Variants in ELAPOR1 observed in about 807,000 individuals in gnomAD.
The protein encoded by ELAPOR1 is endosome-lysosome associated apoptosis and autophagy regulator 1.
Under a neutral mutation model 119.7 loss-of-function variants are expected in ELAPOR1, and 77 were observed. The observed-to-expected ratio is 0.64, with a 90% CI of 0.54 to 0.78. The LOEUF (loss-of-function observed/expected upper bound fraction) is 0.78, where lower values mean the gene tolerates loss of function less well. Ranked by LOEUF, ELAPOR1 falls within the 30% of genes least tolerant of loss-of-function variation. The pLI is 0.00. For missense variants in ELAPOR1, 1,115 were observed against 1,270.4 expected, an observed-to-expected ratio of 0.88 and a Z score of 1.86; for synonymous variants, 481 against 487.2, an observed-to-expected ratio of 0.99 and a Z score of 0.17.
chr1:109,176,859 C>T (rs1421866422), intron 7 of ELAPOR1, among the ~76,000 whole-genome samples: 13 of 142,482 alleles, frequency 9.1e-5, no homozygotes, highest in Non-Finnish European at 1.4e-4. Context: ...CATCTTGCAC[C>T]GCCCTTAATC....
intron 7 of ELAPOR1, among the ~76,000 whole-genome samples, chr1:109,184,147 A>C (rs1414137503): frequency 6.6e-6 from 1 of 152,126 alleles, no homozygotes; most frequent in Non-Finnish European, 1.5e-5. Context: ...CGAGGAGGGC[A>C]GATCACCTGA....
chr1:109,195,222 G>T (rs144304015), intron 15 of ELAPOR1, among the ~76,000 whole-genome samples: 1 of 152,106 alleles, frequency 6.6e-6, no homozygotes, highest in Admixed American at 6.5e-5. Flanking sequence ...GGCTAGGCGC[G>T]GTGGCTCACG....
chr1:109,189,635 C>G lies in ELAPOR1; in HGVS notation c.1392C>G (p.Ala464=). 6.2e-7 allele frequency: 1 copy of G among 1,614,130 alleles called. No homozygotes were observed. Among genetic ancestry groups the G allele is most frequent in the South Asian group, 1.1e-5 (1 of 91,074 alleles). ...AGDHIYTAAG[A]SDNDFMILTL... ...ATCACATTTACACAGCTGCTGGAGC[C>G]TCAGACAATGACTTCATGATTCTCA... Residue 464 remains alanine (A), a synonymous_variant, in exon 11 of 22, where the codon GCC becomes GCG. Coordinates refer to ENST00000369939, the MANE Select transcript of ELAPOR1 (RefSeq NM_020775.5).
At position 109,191,874 on chromosome 1, in the gene ELAPOR1, C is replaced by A; in HGVS notation, c.1683+11C>A. 1 of 1,614,002 alleles carries A rather than the reference C, an allele frequency of 6.2e-7. No homozygotes were observed. Among genetic ancestry groups the A allele is most frequent in the Non-Finnish European group, 8.5e-7 (1 of 1,179,906 alleles). ...ACTTTTCATGAGGCAGTAAGTTCCT[C>A]CCCTTCCTCAGACCCCCAGGAGAGA... On this transcript the variant is annotated intron_variant, in intron 13 of 21. Coordinates refer to ENST00000369939, the MANE Select transcript of ELAPOR1 (RefSeq NM_020775.5).
At chr1:109,172,932 T>C (rs1427358395) in intron 5 of ELAPOR1, among the ~76,000 whole-genome samples, 1 of 151,758 alleles carries the variant, frequency 6.6e-6, no homozygotes, top group Non-Finnish European at 1.5e-5. Flanking sequence ...CCATCTCTAC[T>C]AAAAATACAA....
At position 109,204,382 on chromosome 1, in the gene ELAPOR1, T is replaced by A. The variant is rs926731993; in HGVS notation, c.*1370T>A. The A allele has an allele frequency of 6.6e-6, 1 of 152,244 alleles. No individual in the cohort carries two copies. Among genetic ancestry groups the A allele is most frequent in the African/African-American group, 2.4e-5 (1 of 41,448 alleles). The allele number at this position is 152,244 out of a possible 1,614,324, so 9.4% of individuals were successfully genotyped here. ...TTTTAAACCTTCCACTATCACTCTA[T>A]GACACTGAAAAGAACCAGGTAAGCC... is the stretch of plus-strand genomic sequence containing the variant. On this transcript the variant is annotated 3_prime_UTR_variant, in exon 22 of 22. Transcript: ENST00000369939.
chr1:109,197,556 C>T lies in ELAPOR1; in HGVS notation c.2204C>T (p.Thr735Ile), dbSNP rs749704282. Residue 735 changes from threonine to isoleucine, a missense_variant, in exon 16 of 22, where the codon ACA (threonine) becomes ATA (isoleucine). Transcript: ENST00000369939. ...EGESGFSKSI[T>I]AYVCQAVIIP... The stretch of plus-strand genomic sequence containing the variant: ...GAGTCAGGGTTCTCCAAATCTATCA[C>T]AGCCTACGTCTGCCAGGCAGTCATC... 2.5e-6 allele frequency: 4 copies of T among 1,614,098 alleles called. No individual in the cohort carries two copies. The African/African-American group carries it at 5.3e-5, about 22-fold the overall frequency.
intron 1 of ELAPOR1, among the ~76,000 whole-genome samples, chr1:109,127,006 C>T (rs1648820699): frequency 2.0e-5 from 3 of 152,060 alleles, no homozygotes; most frequent in Non-Finnish European, 2.9e-5. Flanking sequence ...AAGTCAAACT[C>T]TTCCTTTCCT....
intron 7 of ELAPOR1, among the ~76,000 whole-genome samples, chr1:109,174,793 G>T (rs1652163169): frequency 6.6e-6 from 1 of 151,876 alleles, no homozygotes; most frequent in African/African-American, 2.4e-5. Flanking sequence ...TCAGCTCACT[G>T]CAAACTCTGC....
intron 1 of ELAPOR1, among the ~76,000 whole-genome samples, chr1:109,121,119 C>T (rs757389571): frequency 5.3e-5 from 8 of 151,900 alleles, no homozygotes; most frequent in Non-Finnish European, 1.2e-4. Flanking sequence ...TTTTTTGGTC[C>T]CTTTTTGCAT....
Position 109,173,480 on chromosome 1 carries a change from C to T in ELAPOR1, c.703C>T (p.Leu235=). 3.1e-6 allele frequency: 5 copies of T among 1,613,776 alleles called. No homozygotes were observed. The highest frequency in any genetic ancestry group is 4.2e-6 in the Non-Finnish European group (5 of 1,179,772). Residue 235 remains leucine, a synonymous_variant, in exon 6 of 22, where the codon CTA becomes TTA. Transcript: ENST00000369939. ...TCCTGTTTGTGGTTTTTAGGTGGAG[C>T]TAAATCGAGGCAATAATGTCCTCTA... ...EKGWEFHSVE[L]NRGNNVLYWR...
rs552352800 is a variant in ELAPOR1 at position 109,135,151 on chromosome 1, A to T, written c.153+20815A>T. Among the ~76,000 whole-genome samples the T allele has an allele frequency of 2.0e-5, 3 of 152,326 alleles. No homozygotes were observed. The South Asian group carries it at 6.2e-4, about 32-fold the overall frequency. On this transcript the variant is annotated intron_variant, in intron 1 of 21. Coordinates refer to ENST00000369939, the MANE Select transcript of ELAPOR1 (RefSeq NM_020775.5). ...TTCCCAAACTGCAGTAGGTATCAGC[A>T]TCCCCTGGAGGGCTTTCTAAAACCC...
rs2101062189 is a variant in ELAPOR1, at chr1:109,173,519, G to C, written c.742G>C (p.Ala248Pro). The change falls in exon 6 of 22, where the codon GCC (alanine) becomes CCC (proline). Residue 248 changes from alanine to proline, a missense_variant. Transcript: ENST00000369939. ...GNNVLYWRTT[A>P]FSVWTKVPKP... The stretch of plus-strand genomic sequence containing the variant: ...TAATGTCCTCTATTGGAGAACCACA[G>C]CCTTCTCAGTATGGACCAAAGTACC... 1 of 1,614,230 alleles carries C rather than the reference G, an allele frequency of 6.2e-7. No homozygotes were observed. Among genetic ancestry groups the C allele is most frequent in the South Asian group, 1.1e-5 (1 of 91,086 alleles).
intron 8 of ELAPOR1, among the ~76,000 whole-genome samples, 159 bp downstream of exon 8, chr1:109,185,292 A>C (rs987028484): frequency 6.6e-6 from 1 of 152,092 alleles, no homozygotes; most frequent in Non-Finnish European, 1.5e-5. Context: ...GGTGGGGGGC[A>C]AAACGAGACC....
At chr1:109,125,306 A>G (rs1282467625) in intron 1 of ELAPOR1, among the ~76,000 whole-genome samples, 2 of 151,778 alleles carry the variant, frequency 1.3e-5, no homozygotes, top group Admixed American at 1.3e-4. Context: ...CCTGACCTCA[A>G]GTGATCCAGC....
At position 109,200,141 on chromosome 1, in the gene ELAPOR1, C is replaced by A; in HGVS notation, c.2711C>A (p.Thr904Asn). 6.2e-7 allele frequency: 1 copy of A among 1,614,214 alleles called. No individual in the cohort carries two copies. Among genetic ancestry groups the A allele is most frequent in the Non-Finnish European group, 8.5e-7 (1 of 1,180,044 alleles). The change falls in exon 20 of 22, where the codon ACC becomes AAC. Residue 904 changes from threonine (T) to asparagine (N), a missense_variant. Physicochemically the swap from Thr to Asn is moderately conservative, Grantham distance 65. Transcript: ENST00000369939. Reference sequence around the variant, plus strand: ...GAGCAGAGAGTCACCATCTGCAAAACCATAGATTTCTGGCTGAAAGTGGGC... The same window carrying A: ...GAGCAGAGAGTCACCATCTGCAAAAACATAGATTTCTGGCTGAAAGTGGGC... ...LPEQRVTICK[T>N]IDFWLKVGIS... is the part of the protein sequence containing the mutation.
intron 1 of ELAPOR1, among the ~76,000 whole-genome samples, chr1:109,121,320 T>C (rs534049046): frequency 6.6e-6 from 1 of 152,166 alleles, no homozygotes; most frequent in South Asian, 2.1e-4. Context: ...CTAATTTTTG[T>C]ATTTTTAGTA....
intron 3 of ELAPOR1, among the ~76,000 whole-genome samples, chr1:109,171,492 T>C (rs12075560): frequency 0.47 from 70,695 of 151,502 alleles, 17,513 homozygotes; most frequent in African/African-American, 0.65. Flanking sequence ...GCAGAGGTTG[T>C]GGTGAGCCGA....
intron 1 of ELAPOR1, among the ~76,000 whole-genome samples, chr1:109,148,978 C>G (rs538097445): frequency 4.6e-5 from 7 of 152,152 alleles, no homozygotes; most frequent in Non-Finnish European, 8.8e-5. Context: ...CTGAAAAACC[C>G]TCTGCACCTG....
Sources: allele counts gnomAD v4.1 joint callset (sites outside exome capture counted in the v4.1 genomes callset), GRCh38; gene constraint gnomAD v4.1.1; transcripts MANE v1.5; gene names NCBI Gene and HGNC (gene_info 2026-07-23, HGNC 2026-07-21).